OR4N2: variants seen among roughly 807,000 people sequenced by gnomAD.
The protein encoded by OR4N2 is olfactory receptor 4N2.
For missense variants in OR4N2, 307 were observed against 377.6 expected, an observed-to-expected ratio of 0.81 and a Z score of 1.55; for synonymous variants, 141 against 140.4, an observed-to-expected ratio of 1.00 and a Z score of -0.03.
In OR4N2 at chr14:19,827,474, TAAG is replaced by T; in HGVS notation, c.28_30del (p.Arg10del). ...ATGGAAAGCGAGAACAGAACAGTGA[TAAG>T]AGAATTCATCCTCCTTGGTCTGACC... is the stretch of plus-strand genomic sequence containing the variant. On this transcript the variant is annotated inframe_deletion, in exon 2 of 2. Transcript: ENST00000557677. 6.2e-7 allele frequency: 1 copy of T among 1,605,212 alleles called. No homozygotes were observed. Among genetic ancestry groups the T allele is most frequent in the Non-Finnish European group, 8.5e-7 (1 of 1,175,738 alleles).
At chr14:19,813,136 A>C (rs1879343141) in intron 1 of OR4N2, among the ~76,000 whole-genome samples, 1 of 152,248 alleles carries the variant, frequency 6.6e-6, no homozygotes, top group South Asian at 2.1e-4. Context: ...TATATGCACA[A>C]TTATGAAAAA....
At chr14:19,812,174 T>C (rs147855172) in intron 1 of OR4N2, among the ~76,000 whole-genome samples, 1 of 152,266 alleles carries the variant, frequency 6.6e-6, no homozygotes, top group African/African-American at 2.4e-5. Context: ...AACTTAAATG[T>C]TATTATTCTT....
chr14:19,820,207 C>T (rs1433007501), intron 1 of OR4N2, among the ~76,000 whole-genome samples: 1 of 152,262 alleles, frequency 6.6e-6, no homozygotes, highest in African/African-American at 2.4e-5. Flanking sequence ...TAGCAGAGTT[C>T]AAGCGCTTTG....
intron 1 of OR4N2, among the ~76,000 whole-genome samples, chr14:19,817,119 C>T (rs999066479): frequency 6.6e-5 from 10 of 152,162 alleles, no homozygotes; most frequent in Non-Finnish European, 1.2e-4. Flanking sequence ...ATTTTTGCAT[C>T]GATGTTCATC....
At chr14:19,819,811 C>T (rs1396801360) in intron 1 of OR4N2, among the ~76,000 whole-genome samples, 4 of 152,256 alleles carry the variant, frequency 2.6e-5, no homozygotes, top group Non-Finnish European at 4.4e-5. Flanking sequence ...TTTTCCTCAT[C>T]TTTATGGACC....
intron 1 of OR4N2, among the ~76,000 whole-genome samples, chr14:19,812,610 G>A (rs1196062832): frequency 2.0e-5 from 3 of 152,170 alleles, no homozygotes; most frequent in South Asian, 4.1e-4. Context: ...CGCCCACCTC[G>A]GCCTCCCAAA....
intron 1 of OR4N2, among the ~76,000 whole-genome samples, chr14:19,820,385 G>A (rs1215555697): frequency 2.0e-5 from 3 of 152,216 alleles, no homozygotes; most frequent in Non-Finnish European, 2.9e-5. Context: ...TCAGAGGGTC[G>A]ATTTTAGATC....
Position 19,828,484 on chromosome 14 carries a change from A to T in OR4N2, c.*112A>T. 1 of 1,122,050 alleles carries T rather than the reference A, an allele frequency of 8.9e-7. No individual in the cohort carries two copies. Among genetic ancestry groups the T allele is most frequent in the Non-Finnish European group, 1.2e-6 (1 of 803,300 alleles). The allele number at this position is 1,122,050 out of a possible 1,614,324, so 69.5% of individuals were successfully genotyped here. ...TGAGTACCTCCCATTTGTCAGGACTATTCTGGGAACTGAAAAAAGAAATTA... is the reference window on the plus strand; with the variant it reads ...TGAGTACCTCCCATTTGTCAGGACTTTTCTGGGAACTGAAAAAAGAAATTA... On this transcript the variant is annotated 3_prime_UTR_variant, in exon 2 of 2. Transcript: ENST00000557677.
In OR4N2 at chr14:19,830,121, CTCCTT is replaced by C. The variant is rs1035974836; in HGVS notation, c.*1753_*1757del. 2 of 152,202 alleles carry C rather than the reference CTCCTT, an allele frequency of 1.3e-5. No individual in the cohort carries two copies. The highest frequency in any genetic ancestry group is 4.8e-5 in the African/African-American group (2 of 41,390). The allele number at this position is 152,202 out of a possible 1,614,324, so 9.4% of individuals were successfully genotyped here. On this transcript the variant is annotated 3_prime_UTR_variant, in exon 2 of 2. Transcript: ENST00000557677. ...ACTAAAGGCAATTACTCTGGTAACT[CTCCTT>C]TCCCTCACCTATAACATGAACTTTG...
chr14:19,810,801 A>G (rs1425135564), intron 1 of OR4N2, among the ~76,000 whole-genome samples: 1 of 152,256 alleles, frequency 6.6e-6, no homozygotes, highest in Non-Finnish European at 1.5e-5. Flanking sequence ...TAGAATGATG[A>G]ATTTTAAAAG....
chr14:19,809,280 T>C (rs1879239619), intron 1 of OR4N2, among the ~76,000 whole-genome samples: 2 of 152,210 alleles, frequency 1.3e-5, no homozygotes, highest in East Asian at 1.9e-4. Flanking sequence ...GAAATACTCT[T>C]CTCAGCCACA....
Position 19,827,423 on chromosome 14 carries a change from T to C in OR4N2, c.-9-17T>C, listed in dbSNP as rs1223037809. 1.9e-6 allele frequency: 3 copies of C among 1,539,686 alleles called. No individual in the cohort carries two copies. The highest frequency in any genetic ancestry group is 2.6e-6 in the Non-Finnish European group (3 of 1,144,926). ...ACATAGTAATAACAATTAATTCTGCTTCTTAATGTACTGCAGGCCAGGGAA... is the reference window on the plus strand; with the variant it reads ...ACATAGTAATAACAATTAATTCTGCCTCTTAATGTACTGCAGGCCAGGGAA... On this transcript the variant is annotated splice_polypyrimidine_tract_variant and intron_variant, in intron 1 of 1. Coordinates refer to ENST00000557677, the MANE Select transcript of OR4N2 (RefSeq NM_001004723.3).
intron 1 of OR4N2, among the ~76,000 whole-genome samples, chr14:19,823,433 G>A (rs754143467): frequency 6.6e-6 from 1 of 152,232 alleles, no homozygotes; most frequent in South Asian, 2.1e-4. Flanking sequence ...TTACTGAAGA[G>A]TGAATTATAT....
intron 1 of OR4N2, among the ~76,000 whole-genome samples, chr14:19,820,651 C>G (rs1386327234): frequency 2.6e-5 from 4 of 152,248 alleles, no homozygotes; most frequent in African/African-American, 4.8e-5. Context: ...TCTAGAGAAG[C>G]AGTCTGGCTA....
At chr14:19,823,244 T>G (rs1879610185) in intron 1 of OR4N2, among the ~76,000 whole-genome samples, 1 of 152,374 alleles carries the variant, frequency 6.6e-6, no homozygotes, top group Non-Finnish European at 1.5e-5. Flanking sequence ...ATCCCTATTT[T>G]TGAAATTTGT....
At chr14:19,823,854 A>T (rs1879626092) in intron 1 of OR4N2, among the ~76,000 whole-genome samples, 1 of 152,236 alleles carries the variant, frequency 6.6e-6, no homozygotes, top group African/African-American at 2.4e-5. Context: ...AGAAAAAGAA[A>T]AATAAGGAAG....
At chr14:19,805,886 C>T (rs1780891) in intron 1 of OR4N2, among the ~76,000 whole-genome samples, 1 of 152,058 alleles carries the variant, frequency 6.6e-6, no homozygotes, top group Admixed American at 6.5e-5. Context: ...TTCAGCAGAA[C>T]CTTTATAAGC....
In OR4N2 at chr14:19,829,964, A is replaced by G. The variant is rs1422686367; in HGVS notation, c.*1592A>G. The stretch of plus-strand genomic sequence containing the variant: ...GCAGGTGAGAATTCCTTAATCTCCC[A>G]TCACTACCACTATACAACCTGCATC... On this transcript the variant is annotated 3_prime_UTR_variant, in exon 2 of 2. Coordinates refer to ENST00000557677, the MANE Select transcript of OR4N2 (RefSeq NM_001004723.3). 6.6e-6 allele frequency: 1 copy of G among 152,254 alleles called. No homozygotes were observed. Among genetic ancestry groups the G allele is most frequent in the South Asian group, 2.1e-4 (1 of 4,840 alleles). The allele number at this position is 152,254 out of a possible 1,614,324, so 9.4% of individuals were successfully genotyped here. A position where few individuals can be genotyped will look rare whatever the true frequency, so the allele number is the denominator to read the frequency against.
chr14:19,814,127 A>C (rs1879368870), intron 1 of OR4N2, among the ~76,000 whole-genome samples: 1 of 152,108 alleles, frequency 6.6e-6, no homozygotes. Context: ...CTAAAGCCAA[A>C]GAAAAGATTA....
Sources: gnomAD v4.1 joint callset for allele counts (sites outside exome capture counted in the v4.1 genomes callset) on GRCh38, gnomAD v4.1.1 for gene constraint, MANE v1.5 for transcripts, NCBI Gene and HGNC (gene_info 2026-07-23, HGNC 2026-07-21) for gene names.